Variants in PDXDC1 observed in about 807,000 individuals in gnomAD.
PDXDC1 encodes pyridoxal-dependent decarboxylase domain-containing protein 1.
In PDXDC1, 42 loss-of-function variants were observed where a neutral mutation model predicts 100.1. The observed-to-expected ratio is 0.42, with a 90% CI of 0.33 to 0.54. PDXDC1 has a LOEUF of 0.54. Ranked by LOEUF, PDXDC1 falls within the 20% of genes least tolerant of loss-of-function variation. PDXDC1 has a pLI of 0.10. For synonymous variants in PDXDC1, 260 were observed against 371.7 expected (o/e 0.70, Z 3.46); for missense variants, 636 against 979.2 (o/e 0.65, Z 4.68).
chr16:15,130,698 C>T (rs1242739200), intron 16 of PDXDC1: 7 of 1,491,748 alleles, frequency 4.7e-6, no homozygotes, highest in Admixed American at 1.7e-5. Context: ...TGGGCGGATC[C>T]TCCTGCTAGC....
chr16:14,979,561 G>GT (rs575218982), intron 1 of PDXDC1, among the ~76,000 whole-genome samples: 295 of 152,278 alleles, frequency 1.9e-3, no homozygotes, highest in African/African-American at 6.7e-3. Flanking sequence ...AAGTGCTGGG[G>GT]TTACAGGCAT....
chr16:15,014,937 TTTTG>T (rs1474255264), intron 8 of PDXDC1, among the ~76,000 whole-genome samples: 586 of 151,888 alleles, frequency 3.9e-3, no homozygotes, highest in African/African-American at 0.014. Context: ...CATCTATATG[TTTTG>T]TTTGTTTGTT....
intron 16 of PDXDC1, chr16:15,055,921 C>G (rs1009773057): frequency 6.7e-5 from 83 of 1,232,746 alleles, no homozygotes; most frequent in Non-Finnish European, 7.9e-5. Flanking sequence ...GGACGAGGTC[C>G]CCGGCTGACT....
chr16:15,038,873 G>A (rs1211172767), downstream of PDXDC1, among the ~76,000 whole-genome samples: 1 of 152,162 alleles, frequency 6.6e-6, no homozygotes, highest in Non-Finnish European at 1.5e-5. Context: ...TGCACACTGT[G>A]GGGCACGCAC....
At chr16:15,125,613 GCA>G (rs1468848884) in intron 16 of PDXDC1, 80 of 1,192,584 alleles carry the variant, frequency 6.7e-5, no homozygotes, top group Non-Finnish European at 7.9e-5. Context: ...GCTGAGAGGT[GCA>G]CAGTGTCTGG....
At chr16:15,038,620 G>A, downstream of PDXDC1, 1 of 1,609,536 alleles carries the variant, frequency 6.2e-7, no homozygotes, top group Non-Finnish European at 8.5e-7. Context: ...ATCCACATGT[G>A]GAAATGGTGT....
chr16:15,030,139 C>T lies in PDXDC1; in HGVS notation c.1399+83C>T, dbSNP rs566217253. 6.3e-5 allele frequency: 73 copies of T among 1,164,222 alleles called. No homozygotes were observed. In the African/African-American group the frequency reaches 8.8e-4, roughly 14 times the overall value. The allele number at this position is 1,164,222 out of a possible 1,614,324, so 72.1% of individuals were successfully genotyped here. ...GCTTGCCCTTATGATACTCCATTCTCCTAGAGTTATTAGCAGCTCTTTTTG... is the reference window on the plus strand; with the variant it reads ...GCTTGCCCTTATGATACTCCATTCTTCTAGAGTTATTAGCAGCTCTTTTTG... On this transcript the variant is annotated intron_variant, in intron 16 of 22. Coordinates refer to ENST00000396410, the MANE Select transcript of PDXDC1 (RefSeq NM_015027.4).
chr16:15,148,792 G>A, the PDXDC1 span, among the ~76,000 whole-genome samples: 1,246 of 152,160 alleles, frequency 8.2e-3, 25 homozygotes, highest in African/African-American at 0.028. Context: ...CTCCACAGTC[G>A]CCTCTGCAGT....
chr16:15,007,030 A>C (rs146615402), intron 6 of PDXDC1, among the ~76,000 whole-genome samples: 622 of 152,132 alleles, frequency 4.1e-3, no homozygotes, highest in Middle Eastern at 6.8e-3. Context: ...ATTTTCAGGT[A>C]ATGTTCTTTG....
At chr16:15,000,528 G>A (rs1204775535) in intron 3 of PDXDC1, among the ~76,000 whole-genome samples, 1 of 152,272 alleles carries the variant, frequency 6.6e-6, no homozygotes, top group Non-Finnish European at 1.5e-5. Context: ...TTCCTTTGTT[G>A]AAAGAGGAAA....
chr16:15,025,997 C>T (rs1226498856), intron 13 of PDXDC1: 1 of 152,416 alleles, frequency 6.6e-6, no homozygotes, highest in Non-Finnish European at 1.5e-5. Context: ...ATACACAGAT[C>T]CAGTTCTCAG....
chr16:15,076,194 T>C (rs2045448387), intron 16 of PDXDC1, among the ~76,000 whole-genome samples: 1 of 152,170 alleles, frequency 6.6e-6, no homozygotes, highest in Admixed American at 6.5e-5. Flanking sequence ...CAACTTCAGA[T>C]ACCACCCAAA....
At chr16:15,121,950 G>A (rs1439392603) in intron 16 of PDXDC1, 1 of 252,172 alleles carries the variant, frequency 4.0e-6, no homozygotes, top group African/African-American at 2.4e-5. Flanking sequence ...AGACTATCCT[G>A]GCGAACATGG....
chr16:15,093,306 G>C (rs1417085209), intron 16 of PDXDC1, among the ~76,000 whole-genome samples: 1 of 152,064 alleles, frequency 6.6e-6, no homozygotes, highest in Non-Finnish European at 1.5e-5. Context: ...GCCCGGCCTA[G>C]ATTTTTGTCT....
chr16:15,144,375 C>A, the PDXDC1 span, among the ~76,000 whole-genome samples: 1 of 152,200 alleles, frequency 6.6e-6, no homozygotes, highest in Non-Finnish European at 1.5e-5. Flanking sequence ...CAGTTTGGGA[C>A]GGTGCTCATT....
chr16:15,063,951 T>G (rs574838477), intron 16 of PDXDC1, among the ~76,000 whole-genome samples: 142 of 152,298 alleles, frequency 9.3e-4, no homozygotes, highest in Non-Finnish European at 1.8e-3. Context: ...CTCTTTTTTA[T>G]ATTTCTGTAG....
At position 15,111,157 on chromosome 16, in the gene PDXDC1, A is replaced by C. The variant is rs949904724; in HGVS notation, c.1400-27722A>C. On this transcript the variant is annotated intron_variant, in intron 16 of 16. Coordinates refer to the PDXDC1 transcript ENST00000535621. ...ACACACACACACACACACACACACA[A>C]AACACACAAGAATGACGAGGCTGGC... Among the ~76,000 whole-genome samples, 1,117 of 144,662 alleles carry C rather than the reference A, an allele frequency of 7.7e-3. 30 individuals are homozygous for C. The highest frequency in any genetic ancestry group is 0.026 in the African/African-American group (1,058 of 39,938). 94.9% of individuals were successfully genotyped at this position (144,662 alleles called of 152,430 possible). A position where few individuals can be genotyped will look rare whatever the true frequency, so the allele number is the denominator to read the frequency against.
chr16:15,130,991 A>C lies in PDXDC1; in HGVS notation c.1400-7888A>C, dbSNP rs577337406. ...CCAGCAGCCCATGAAACAGAAAGCAAATTTCACCAGAGACACCCATGGAAG... is the reference window on the plus strand; with the variant it reads ...CCAGCAGCCCATGAAACAGAAAGCACATTTCACCAGAGACACCCATGGAAG... On this transcript the variant is annotated intron_variant, in intron 16 of 16. Transcript: ENST00000535621. 3.1e-4 allele frequency: 267 copies of C among 859,154 alleles called. 1 individual carries two copies. Among genetic ancestry groups the C allele is most frequent in the Non-Finnish European group, 4.7e-4 (251 of 530,446 alleles). The allele number at this position is 859,154 out of a possible 1,614,324, so 53.2% of individuals were successfully genotyped here.
chr16:15,134,043 G>A (rs1405135098), intron 16 of PDXDC1: 19 of 1,567,884 alleles, frequency 1.2e-5, no homozygotes, highest in African/African-American at 1.3e-5. Flanking sequence ...CAGCACCAGT[G>A]TCTTGTTGCT....
Sources: gnomAD v4.1 joint callset for allele counts (sites outside exome capture counted in the v4.1 genomes callset) on GRCh38, gnomAD v4.1.1 for gene constraint, MANE v1.5 for transcripts, NCBI Gene and HGNC (gene_info 2026-07-23, HGNC 2026-07-21) for gene names.